The following CNNM1 variants were observed in gnomAD, a reference collection of about 807,000 sequenced individuals.
CNNM1 encodes cyclin and CBS domain divalent metal cation transport mediator 1.
Under a neutral mutation model 78.8 loss-of-function variants are expected in CNNM1, and 44 were observed. That is an observed-to-expected ratio of 0.56 (90% CI 0.44 to 0.72). The LOEUF is 0.72. CNNM1 is among the 30% of genes least tolerant of loss of function. The probability of loss-of-function intolerance (pLI) is 0.00; values close to 1 mark genes in which losing one functional copy is unlikely to be tolerated. For missense variants in CNNM1, 1,101 were observed against 1,292.2 expected (o/e 0.85, Z 2.27); for synonymous variants, 584 against 581.5 (o/e 1.00, Z -0.06).
intron 1 of CNNM1, among the ~76,000 whole-genome samples, chr10:99,355,139 G>C (rs1251663833): frequency 6.6e-6 from 1 of 152,052 alleles, no homozygotes; most frequent in East Asian, 1.9e-4. Context: ...GACTCCTCTT[G>C]ACTGATATTT....
intron 7 of CNNM1, among the ~76,000 whole-genome samples, chr10:99,378,690 C>T (rs1390739185): frequency 6.6e-6 from 1 of 152,192 alleles, no homozygotes; most frequent in East Asian, 1.9e-4. Flanking sequence ...CATTTAATCT[C>T]ACAGCCACCC....
intron 2 of CNNM1, among the ~76,000 whole-genome samples, 154 bp downstream of exon 2, chr10:99,357,809 T>C (rs2031275924): frequency 1.3e-5 from 2 of 152,266 alleles, no homozygotes; most frequent in South Asian, 4.1e-4. Context: ...TGTGGCAAGA[T>C]ACCCTAGTTG....
chr10:99,369,223 G>A (rs201879829), intron 6 of CNNM1, among the ~76,000 whole-genome samples: 3 of 152,060 alleles, frequency 2.0e-5, no homozygotes, highest in East Asian at 3.9e-4. Context: ...CTTTTTAATC[G>A]GGTAACAATT....
At chr10:99,354,027 G>T (rs925728289) in intron 1 of CNNM1, among the ~76,000 whole-genome samples, 1 of 152,120 alleles carries the variant, frequency 6.6e-6, no homozygotes, top group Admixed American at 6.5e-5. Flanking sequence ...GTGGTAGGGA[G>T]TATGGCTGTA....
chr10:99,341,179 A>T (rs1487107154), intron 1 of CNNM1, among the ~76,000 whole-genome samples: 3 of 152,170 alleles, frequency 2.0e-5, no homozygotes, highest in African/African-American at 7.2e-5. Flanking sequence ...GAAGGAGTTC[A>T]TCAGAGGAAG....
At chr10:99,366,646 G>A (rs186859201) in intron 6 of CNNM1, among the ~76,000 whole-genome samples, 1 of 152,220 alleles carries the variant, frequency 6.6e-6, no homozygotes, top group Admixed American at 6.5e-5. Flanking sequence ...GCCAGGCATG[G>A]TAGCACGTGC....
Position 99,393,135 on chromosome 10 carries a change from C to G in CNNM1, c.*1619C>G, listed in dbSNP as rs951709481. ...TCAAGTACTCACTGAACTCATTGATCGAGTGCTGTCTGCTAAATCTCCAAA... is the reference window on the plus strand; with the variant it reads ...TCAAGTACTCACTGAACTCATTGATGGAGTGCTGTCTGCTAAATCTCCAAA... On this transcript the variant is annotated 3_prime_UTR_variant, in exon 11 of 11. Transcript: ENST00000356713. 6.6e-6 allele frequency: 1 copy of G among 152,208 alleles called. No individual in the cohort carries two copies. The highest frequency in any genetic ancestry group is 2.4e-5 in the African/African-American group (1 of 41,408). The allele number at this position is 152,208 out of a possible 1,614,324, so 9.4% of individuals were successfully genotyped here. A position where few individuals can be genotyped will look rare whatever the true frequency, so the allele number is the denominator to read the frequency against.
intron 6 of CNNM1, among the ~76,000 whole-genome samples, chr10:99,370,364 A>G (rs1230778944): frequency 1.3e-5 from 2 of 152,182 alleles, no homozygotes; most frequent in African/African-American, 4.8e-5. Flanking sequence ...GGGTGGAGCA[A>G]TGGTGGGTAC....
chr10:99,349,924 G>A (rs922847715), intron 1 of CNNM1, among the ~76,000 whole-genome samples: 5 of 152,084 alleles, frequency 3.3e-5, no homozygotes, highest in South Asian at 2.1e-4. Context: ...GCTTGAACCC[G>A]AGAGGCAGAG....
chr10:99,329,789 G>C lies in CNNM1; in HGVS notation c.402G>C (p.Arg134Ser). The C allele has an allele frequency of 6.8e-7, 1 of 1,478,600 alleles. No homozygotes were observed. The highest frequency in any genetic ancestry group is 1.3e-5 in the South Asian group (1 of 76,956). The allele number at this position is 1,478,600 out of a possible 1,614,324, so 91.6% of individuals were successfully genotyped here. ...GCCCCCCGGGACCGCAGCGCTGCAG[G>C]GAGCAGAGCGACTGGGCATCGGACG... ...PTRPPGPQRC[R>S]EQSDWASDVE... Residue 134 changes from arginine to serine, a missense_variant, in exon 1 of 11, where the codon AGG (arginine) becomes AGC (serine). Arg to Ser is a moderately radical substitution (Grantham distance 110). This residue lies in a region of CNNM1 where 476 missense variants were observed against 484.5 expected (regional missense o/e 0.98). Transcript: ENST00000356713.
At chr10:99,367,080 A>G (rs1229108146) in intron 6 of CNNM1, among the ~76,000 whole-genome samples, 1 of 152,154 alleles carries the variant, frequency 6.6e-6, no homozygotes, top group Non-Finnish European at 1.5e-5. Flanking sequence ...AGTGTAGTGA[A>G]GTGTGAAGTA....
intron 1 of CNNM1, among the ~76,000 whole-genome samples, chr10:99,347,011 A>G (rs1402573728): frequency 1.3e-5 from 2 of 152,128 alleles, no homozygotes; most frequent in East Asian, 1.9e-4. Flanking sequence ...TAATGAGAAC[A>G]CGTGGACACA....
chr10:99,330,968 G>A lies in CNNM1; in HGVS notation c.1573+8G>A. ...TGGAGGAGTTTAAGAAGGGTGAGCA[G>A]TAGTCTATCTTCTCCCCCAACTCCT... On this transcript the variant is annotated splice_region_variant and intron_variant, in intron 1 of 10. Transcript: ENST00000356713. The A allele has an allele frequency of 6.2e-7, 1 of 1,601,484 alleles. No homozygotes were observed. Among genetic ancestry groups the A allele is most frequent in the Non-Finnish European group, 8.5e-7 (1 of 1,174,452 alleles).
chr10:99,377,271 G>C (rs2032002522), intron 7 of CNNM1, 53 bp downstream of exon 7: 7 of 1,561,332 alleles, frequency 4.5e-6, no homozygotes, highest in Non-Finnish European at 6.1e-6. Flanking sequence ...GTGTTGGCTG[G>C]CTGAGCGGGA....
At chr10:99,335,196 T>C (rs1444894889) in intron 1 of CNNM1, among the ~76,000 whole-genome samples, 4 of 152,256 alleles carry the variant, frequency 2.6e-5, no homozygotes, top group Admixed American at 2.0e-4. Context: ...TTGCACTTGA[T>C]AAAACATTTC....
At chr10:99,358,647 ACAAG>A (rs909038069) in intron 2 of CNNM1, among the ~76,000 whole-genome samples, 12 of 152,202 alleles carry the variant, frequency 7.9e-5, no homozygotes, top group African/African-American at 2.7e-4. Context: ...CTTGGCAAAG[ACAAG>A]CAAGAGAGTC....
chr10:99,330,395 C>A lies in CNNM1; in HGVS notation c.1008C>A (p.Phe336Leu). The A allele has an allele frequency of 6.3e-7, 1 of 1,593,804 alleles. No homozygotes were observed. The highest frequency in any genetic ancestry group is 2.3e-5 in the East Asian group (1 of 43,878). Reference sequence around the variant, plus strand: ...CGCTCGTGTGCACCGGCGCGGTATTCCTGGGCGCCGAAATCTGCCCCTACT... The same window carrying A: ...CGCTCGTGTGCACCGGCGCGGTATTACTGGGCGCCGAAATCTGCCCCTACT... ...LPALVCTGAV[F>L]LGAEICPYSV... The change falls in exon 1 of 11, where the codon TTC becomes TTA. Residue 336 changes from phenylalanine (F) to leucine (L), a missense_variant. By Grantham distance (22) the Phe-to-Leu change is conservative (BLOSUM62 0). Transcript: ENST00000356713.
intron 6 of CNNM1, chr10:99,368,823 C>T: frequency 2.3e-6 from 1 of 427,718 alleles, no homozygotes; most frequent in Non-Finnish European, 4.3e-6. Context: ...GCACAAATAG[C>T]ACTCATTTGC....
At chr10:99,368,277 A>G (rs1486685176) in intron 6 of CNNM1, 1 of 255,806 alleles carries the variant, frequency 3.9e-6, no homozygotes, top group Non-Finnish European at 7.9e-6. Flanking sequence ...CTGGGCTCCC[A>G]GCATGTTTGC....
Sources: gnomAD v4.1 joint callset for allele counts (sites outside exome capture counted in the v4.1 genomes callset) on GRCh38, gnomAD v4.1.1 for gene constraint, gnomAD v4.1.1 regional missense constraint, MANE v1.5 for transcripts, NCBI Gene and HGNC (gene_info 2026-07-23, HGNC 2026-07-21) for gene names.